The following GKN1 variants were observed in gnomAD, a reference collection of about 807,000 sequenced individuals.
GKN1 encodes gastrokine 1, also known as gastrokine-1.
Under a neutral mutation model 19.7 loss-of-function variants are expected in GKN1, and 17 were observed. The observed-to-expected ratio is 0.86, with a 90% confidence interval of 0.59 to 1.29. The LOEUF is 1.29. Among genes scored for constraint, GKN1 ranks in the 50% most tolerant of loss-of-function variants. The probability of loss-of-function intolerance (pLI) is 0.00; values close to 1 mark genes in which losing one functional copy is unlikely to be tolerated. For missense variants in GKN1, 218 were observed against 224.5 expected (o/e 0.97, Z 0.19); for synonymous variants, 96 against 78.3 (o/e 1.23, Z -1.20).
chr2:68,974,904 T>C (rs1346240719), intron 1 of GKN1, among the ~76,000 whole-genome samples: 1 of 151,972 alleles, frequency 6.6e-6, no homozygotes, highest in Non-Finnish European at 1.5e-5. Flanking sequence ...GACAGGTCAA[T>C]AGGGGCAGCA....
Position 68,977,564 on chromosome 2 carries a change from T to A in GKN1, c.66+16T>A, listed in dbSNP as rs1388469257. On this transcript the variant is annotated intron_variant, in intron 2 of 5. Coordinates refer to ENST00000377938, the MANE Select transcript of GKN1 (RefSeq NM_019617.4). ...AGCTAACTATGTAAGTCTCACCTTTTCAAGTTTGCTACCAAAATGCATTTG... is the reference window on the plus strand; with the variant it reads ...AGCTAACTATGTAAGTCTCACCTTTACAAGTTTGCTACCAAAATGCATTTG... 6.2e-7 allele frequency: 1 copy of A among 1,607,238 alleles called. No homozygotes were observed. Among genetic ancestry groups the A allele is most frequent in the East Asian group, 2.2e-5 (1 of 44,832 alleles).
intron 5 of GKN1, among the ~76,000 whole-genome samples, chr2:68,980,494 A>G (rs1670343296): frequency 6.6e-6 from 1 of 152,226 alleles, no homozygotes; most frequent in Non-Finnish European, 1.5e-5. Flanking sequence ...AGCTCAGACA[A>G]TCACTTAATT....
intron 1 of GKN1, among the ~76,000 whole-genome samples, chr2:68,976,316 T>C (rs2103921029): frequency 6.6e-6 from 1 of 152,332 alleles, no homozygotes; most frequent in East Asian, 1.9e-4. Flanking sequence ...ACTTCTTTTT[T>C]TTTCCAAGGA....
rs994321405 is a variant in GKN1, at chr2:68,978,286, A to AAGAAAGAAAGAGAG, written c.204+524_204+537dup. 2.1e-5 allele frequency among the ~76,000 whole-genome samples: 3 copies of AAGAAAGAAAGAGAG among 141,836 alleles called. 1 individual carries two copies. Among genetic ancestry groups the AAGAAAGAAAGAGAG allele is most frequent in the Non-Finnish European group, 4.5e-5 (3 of 67,110 alleles). 93.0% of individuals were successfully genotyped at this position (141,836 alleles called of 152,430 possible). ...AAGGAAGGAAGGAAAGAAAGAAAGA[A>AAGAAAGAAAGAGAG]AGAAAGAAAGAGAGAGAAAGAAAGA... On this transcript the variant is annotated intron_variant, in intron 3 of 5. Coordinates refer to ENST00000377938, the MANE Select transcript of GKN1 (RefSeq NM_019617.4).
intron 3 of GKN1, 58 bp downstream of exon 3, chr2:68,977,832 CA>C: frequency 7.6e-7 from 1 of 1,323,136 alleles, no homozygotes; most frequent in Non-Finnish European, 1.1e-6. Context: ...TTCTTTTTAA[CA>C]AAAAATGTGC....
chr2:68,977,457 GCC>G (rs1670277772), intron 1 of GKN1, 36 bp from the exon 2 acceptor site: 2 of 1,390,752 alleles, frequency 1.4e-6, no homozygotes, highest in Admixed American at 1.7e-5. Flanking sequence ...ACATCATTTT[GCC>G]ATGTAACAGG....
At chr2:68,978,830 C>T (rs372429681) in intron 3 of GKN1, 41 bp from the exon 4 acceptor site, 11 of 1,105,974 alleles carry the variant, frequency 9.9e-6, no homozygotes, top group Non-Finnish European at 1.2e-5. Context: ...AAAAGCTCCT[C>T]GGAGAACACA....
At chr2:68,974,768 CT>C in intron 1 of GKN1, 79 bp downstream of exon 1, 1 of 911,370 alleles carries the variant, frequency 1.1e-6, no homozygotes, top group Non-Finnish European at 1.8e-6. Flanking sequence ...AGGTCTGCTT[CT>C]TATGGCCCCA....
chr2:68,978,833 A>G, intron 3 of GKN1, 38 bp from the exon 4 acceptor site: 1 of 1,130,630 alleles, frequency 8.8e-7, no homozygotes, highest in Non-Finnish European at 1.3e-6. Flanking sequence ...AGCTCCTCGG[A>G]GAACACATGC....
rs1317184280 is a variant in GKN1 at position 68,980,072 on chromosome 2, C to T, written c.463+12C>T. ...TGAGGAGATGCAAGGTGAGTAGCAT[C>T]CCTACTGTGCACCCCAAGTTAGTGC... On this transcript the variant is annotated intron_variant, in intron 5 of 5. Transcript: ENST00000377938. 4.3e-6 allele frequency: 7 copies of T among 1,609,658 alleles called. No homozygotes were observed. The highest frequency in any genetic ancestry group is 5.9e-6 in the Non-Finnish European group (7 of 1,176,566).
chr2:68,980,673 A>G (rs1670345048), intron 5 of GKN1, 56 bp from the exon 6 acceptor site: 3 of 906,386 alleles, frequency 3.3e-6, no homozygotes, highest in Non-Finnish European at 5.5e-6. Context: ...AATCCCCTCC[A>G]AGAAAAGAGT....
intron 3 of GKN1, among the ~76,000 whole-genome samples, chr2:68,978,545 A>G (rs1432280833): frequency 6.6e-6 from 1 of 152,196 alleles, no homozygotes; most frequent in African/African-American, 2.4e-5. Flanking sequence ...TCTCCTTGAA[A>G]TGTGAGGATC....
chr2:68,978,259 A>AGAAAGAAGGAAGGAAGGAAGGAAGGAAG (rs796404147), intron 3 of GKN1: 7 of 124,990 alleles, frequency 5.6e-5, no homozygotes, highest in African/African-American at 2.2e-4. Context: ...AAAGAAAGAA[A>AGAAAGAAGGAAGGAAGGAAGGAAGGAAG]GAAGGAAGGA....
At position 68,980,047 on chromosome 2, in the gene GKN1, T is replaced by G. The variant is rs1670335203; in HGVS notation, c.450T>G (p.Ala150=). The G allele has an allele frequency of 6.2e-7, 1 of 1,613,666 alleles. No homozygotes were observed. Among genetic ancestry groups the G allele is most frequent in the Non-Finnish European group, 8.5e-7 (1 of 1,179,826 alleles). Residue 150 remains alanine, a synonymous_variant, in exon 5 of 6, where the codon GCT becomes GCG. Transcript: ENST00000377938. ...NMCRGIPTYM[A]EEMQEASLFF... is the part of the protein sequence containing the mutation. ...GTCGTGGGATTCCAACATACATGGCTGAGGAGATGCAAGGTGAGTAGCATC... is the reference window on the plus strand; with the variant it reads ...GTCGTGGGATTCCAACATACATGGCGGAGGAGATGCAAGGTGAGTAGCATC...
chr2:68,978,661 G>C (rs73934210), intron 3 of GKN1, among the ~76,000 whole-genome samples: 2,163 of 152,290 alleles, frequency 0.014, 37 homozygotes, highest in African/African-American at 0.05. Context: ...AAACCAGTTA[G>C]ATGCTCAGTC....
chr2:68,976,451 A>G (rs1170801867), intron 1 of GKN1, among the ~76,000 whole-genome samples: 4 of 152,222 alleles, frequency 2.6e-5, no homozygotes, highest in Non-Finnish European at 4.4e-5. Flanking sequence ...AATTTTCTGA[A>G]TTTCTCTAAA....
chr2:68,980,139 G>A (rs1240058078), intron 5 of GKN1, 79 bp downstream of exon 5: 10 of 1,246,108 alleles, frequency 8.0e-6, no homozygotes, highest in Non-Finnish European at 1.2e-5. Context: ...TCCATAGTGG[G>A]CACCAGTGAT....
Position 68,980,903 on chromosome 2 carries a change from A to T in GKN1, c.*80A>T. 1.4e-6 allele frequency: 1 copy of T among 728,392 alleles called. No homozygotes were observed. Among genetic ancestry groups the T allele is most frequent in the Non-Finnish European group, 2.5e-6 (1 of 406,992 alleles). 45.1% of individuals were successfully genotyped at this position (728,392 alleles called of 1,614,324 possible). On this transcript the variant is annotated 3_prime_UTR_variant, in exon 6 of 6. Coordinates refer to ENST00000377938, the MANE Select transcript of GKN1 (RefSeq NM_019617.4). ...AATATGGGCTCCAGTGGTTTTTACC[A>T]TGTCATTCTGAAATTTTTCTCTACT...
Position 68,974,692 on chromosome 2 carries a change from G to A in GKN1, c.12+3G>A, listed in dbSNP as rs1558714106. 4 of 1,571,306 alleles carry A rather than the reference G, an allele frequency of 2.5e-6. No homozygotes were observed. The highest frequency in any genetic ancestry group is 3.5e-6 in the Non-Finnish European group (4 of 1,140,992). ...GTGAAGACAAGATGAAGTTCACAGT[G>A]AGTAGATTTTTCCTTTTGAATTTAC... On this transcript the variant is annotated splice_donor_region_variant and intron_variant, in intron 1 of 5. Coordinates refer to ENST00000377938, the MANE Select transcript of GKN1 (RefSeq NM_019617.4).
Sources: gnomAD v4.1 joint callset for allele counts (sites outside exome capture counted in the v4.1 genomes callset) on GRCh38, gnomAD v4.1.1 for gene constraint, MANE v1.5 for transcripts, NCBI Gene and HGNC (gene_info 2026-07-23, HGNC 2026-07-21) for gene names.